Variants in MAST2 observed in about 807,000 individuals in gnomAD.
MAST2 encodes microtubule-associated serine/threonine-protein kinase 2.
A neutral mutation model predicts 147.4 loss-of-function variants in MAST2; 70 were observed. The ratio of observed to expected loss-of-function variants is 0.47; its 90% CI spans 0.39 to 0.58. MAST2 has a LOEUF of 0.58. Among genes scored for constraint, MAST2 ranks in the 20% least tolerant of loss-of-function variants. The pLI, the probability that MAST2 is intolerant of heterozygous loss-of-function variation, is 0.00. For missense variants in MAST2, 2,080 were observed against 2,302.3 expected (o/e 0.90, Z 1.98); for synonymous variants, 869 against 896.8 (o/e 0.97, Z 0.55).
intron 4 of MAST2, among the ~76,000 whole-genome samples, chr1:45,943,144 A>T (rs1056354065): frequency 2.0e-5 from 3 of 152,124 alleles, no homozygotes; most frequent in African/African-American, 7.2e-5. Flanking sequence ...GAGAATAGAG[A>T]CATAATGGTA....
At position 45,946,065 on chromosome 1, in the gene MAST2, G is replaced by C. The variant is rs1010110940; in HGVS notation, c.501-13321G>C. Among the ~76,000 whole-genome samples, 3 of 152,256 alleles carry C rather than the reference G, an allele frequency of 2.0e-5. No individual in the cohort carries two copies. The South Asian group carries it at 6.2e-4, about 32-fold the overall frequency. On this transcript the variant is annotated intron_variant, in intron 4 of 28. Transcript: ENST00000361297. ...TTATCTCCCTTTCCTTAATTCTCCA[G>C]TCTCTCCCATTCATTAATTCTCCAA...
chr1:45,985,448 G>A (rs908376482), intron 5 of MAST2, among the ~76,000 whole-genome samples: 1 of 152,164 alleles, frequency 6.6e-6, no homozygotes, highest in Admixed American at 6.5e-5. Flanking sequence ...TCAAAATTGT[G>A]AATACATCTG....
chr1:45,951,465 C>T (rs1658921223), intron 4 of MAST2, among the ~76,000 whole-genome samples: 1 of 151,894 alleles, frequency 6.6e-6, no homozygotes, highest in Admixed American at 6.6e-5. Context: ...GGCCTGTGGC[C>T]CCAGCTACCC....
chr1:45,805,319 C>G (rs551104758), intron 1 of MAST2, among the ~76,000 whole-genome samples: 1 of 152,268 alleles, frequency 6.6e-6, no homozygotes, highest in South Asian at 2.1e-4. Context: ...CCAGTGTGCC[C>G]GGCCCTTTAG....
chr1:45,975,746 C>T (rs528547281), intron 5 of MAST2, among the ~76,000 whole-genome samples: 2 of 150,614 alleles, frequency 1.3e-5, no homozygotes, highest in South Asian at 4.2e-4. Context: ...AACTGCTAAT[C>T]AAATATGGAT....
At chr1:45,898,084 G>A in intron 4 of MAST2, among the ~76,000 whole-genome samples, 1 of 152,114 alleles carries the variant, frequency 6.6e-6, no homozygotes, top group African/African-American at 2.4e-5. Context: ...ACTCCAGCCT[G>A]GGCGACAGAG....
At chr1:45,883,707 C>T (rs1646943211) in intron 4 of MAST2, among the ~76,000 whole-genome samples, 1 of 150,878 alleles carries the variant, frequency 6.6e-6, no homozygotes, top group Non-Finnish European at 1.5e-5. Flanking sequence ...ATTTAAGAGG[C>T]ACATTTTAAA....
chr1:45,993,371 T>TA lies in MAST2; in HGVS notation c.593-4352dup, dbSNP rs199705118. 7.4e-3 allele frequency among the ~76,000 whole-genome samples: 1,126 copies of TA among 152,274 alleles called. 17 individuals carry two copies. The highest frequency in any genetic ancestry group is 0.026 in the African/African-American group (1,063 of 41,548). On this transcript the variant is annotated intron_variant, in intron 5 of 28. Coordinates refer to ENST00000361297, the MANE Select transcript of MAST2 (RefSeq NM_015112.3). ...TTTGTTTGAAAAAGTATTTATTTTT[T>TA]ACCTCTGTCTTTTAAAAATATTTTT...
At position 46,031,939 on chromosome 1, in the gene MAST2, A is replaced by G. The variant is rs1156844292; in HGVS notation, c.3188-239A>G. On this transcript the variant is annotated intron_variant, in intron 24 of 28. Coordinates refer to ENST00000361297, the MANE Select transcript of MAST2 (RefSeq NM_015112.3). This position sits in a 1 kb window ranked among gnomAD's most constrained non-coding sequence, Gnocchi z 4.1. The stretch of plus-strand genomic sequence containing the variant: ...CTGATAGGTTGTGACATTTAAATAT[A>G]TATGACAAGCTTATATAGTCCCTGA... Among the ~76,000 whole-genome samples the G allele has an allele frequency of 6.6e-6, 1 of 152,232 alleles. No homozygotes were observed. The highest frequency in any genetic ancestry group is 2.4e-5 in the African/African-American group (1 of 41,448).
intron 4 of MAST2, among the ~76,000 whole-genome samples, chr1:45,886,240 T>C (rs1570547366): frequency 6.7e-6 from 1 of 148,168 alleles, no homozygotes; most frequent in African/African-American, 2.5e-5. Flanking sequence ...ATATATTATA[T>C]ATATTTATAT....
rs1011542473 is a variant in MAST2, at chr1:45,855,765, A to G, written c.468+26184A>G. On this transcript the variant is annotated intron_variant, in intron 3 of 28. Coordinates refer to ENST00000361297, the MANE Select transcript of MAST2 (RefSeq NM_015112.3). ...TTTCTTGTAGATTGAGCATTTCTAC[A>G]TAGGCAATCATGTCATTTTCAAATA... is the stretch of plus-strand genomic sequence containing the variant. 5.9e-5 allele frequency among the ~76,000 whole-genome samples: 9 copies of G among 152,294 alleles called. 1 individual carries two copies. In the South Asian group the frequency reaches 1.5e-3, roughly 25 times the overall value.
At chr1:45,885,010 AAG>A (rs746349659) in intron 4 of MAST2, among the ~76,000 whole-genome samples, 19 of 152,232 alleles carry the variant, frequency 1.2e-4, no homozygotes, top group Admixed American at 4.6e-4. Context: ...ATTTGTAGTA[AAG>A]AAAACAGGTA....
intron 4 of MAST2, among the ~76,000 whole-genome samples, chr1:45,936,602 G>A (rs1191122792): frequency 1.3e-5 from 2 of 151,966 alleles, no homozygotes; most frequent in African/African-American, 4.8e-5. Flanking sequence ...ATCTCCTTTT[G>A]TAACCACCAG....
intron 3 of MAST2, among the ~76,000 whole-genome samples, chr1:45,866,628 C>T (rs1646161757): frequency 6.6e-6 from 1 of 152,166 alleles, no homozygotes; most frequent in Non-Finnish European, 1.5e-5. Context: ...GATGCCCTTC[C>T]TCTCGAGTCT....
chr1:45,818,856 A>T (rs1243030544), intron 1 of MAST2, among the ~76,000 whole-genome samples: 2 of 152,224 alleles, frequency 1.3e-5, no homozygotes, highest in African/African-American at 2.4e-5. Context: ...ATCTAACTTC[A>T]TTCCCATAGT....
intron 4 of MAST2, among the ~76,000 whole-genome samples, chr1:45,937,521 A>G (rs1202793624): frequency 6.6e-6 from 1 of 151,974 alleles, no homozygotes; most frequent in African/African-American, 2.4e-5. Flanking sequence ...AGGCCGAGGC[A>G]GGTGGATCAC....
intron 3 of MAST2, among the ~76,000 whole-genome samples, chr1:45,836,402 C>G (rs1483529794): frequency 6.6e-6 from 1 of 152,046 alleles, no homozygotes; most frequent in Non-Finnish European, 1.5e-5. Context: ...AACAAAACTC[C>G]AAGACTTTTC....
intron 5 of MAST2, among the ~76,000 whole-genome samples, chr1:45,988,079 C>G (rs1300110425): frequency 6.6e-6 from 1 of 152,130 alleles, no homozygotes; most frequent in Non-Finnish European, 1.5e-5. Context: ...GTAGCCTGAT[C>G]ATAGCTTACT....
At chr1:45,944,549 G>A (rs1405811029) in intron 4 of MAST2, among the ~76,000 whole-genome samples, 1 of 152,092 alleles carries the variant, frequency 6.6e-6, no homozygotes, top group African/African-American at 2.4e-5. Flanking sequence ...ATTCTATGTA[G>A]CAATCATTTA....
Sources: gnomAD v4.1 joint callset for allele counts (sites outside exome capture counted in the v4.1 genomes callset) on GRCh38, gnomAD v4.1.1 for gene constraint, Gnocchi (gnomAD v3.1) non-coding constraint, MANE v1.5 for transcripts, NCBI Gene and HGNC (gene_info 2026-07-23, HGNC 2026-07-21) for gene names.